MAP3K12: variants seen among roughly 807,000 people sequenced by gnomAD.
The protein encoded by MAP3K12 is MAPK-upstream kinase.
In MAP3K12, 14 loss-of-function variants were observed where a neutral mutation model predicts 87.5. That is an observed-to-expected ratio of 0.16 (90% confidence interval 0.11 to 0.25). MAP3K12 has a LOEUF of 0.25. Ranked by LOEUF, MAP3K12 falls within the 10% of genes least tolerant of loss-of-function variation. The pLI, the probability that MAP3K12 is intolerant of heterozygous loss-of-function variation, is 1.00. For missense variants in MAP3K12, 802 were observed against 1,140.4 expected (o/e 0.70, Z 4.27); for synonymous variants, 469 against 452.5 (o/e 1.04, Z -0.46).
chr12:53,492,245 C>T (rs1351062951), intron 1 of MAP3K12, among the ~76,000 whole-genome samples: 1 of 152,244 alleles, frequency 6.6e-6, no homozygotes, highest in Non-Finnish European at 1.5e-5. Flanking sequence ...TATGCGTCCT[C>T]TATCATGGTT....
upstream of MAP3K12, chr12:53,500,654 C>T (rs1040937670): frequency 6.6e-6 from 1 of 152,524 alleles, no homozygotes; most frequent in African/African-American, 2.4e-5. Flanking sequence ...CCTGCACCAG[C>T]TCCAGAGCCC....
At chr12:53,485,553 G>GTA in intron 4 of MAP3K12, 78 bp from the exon 5 acceptor site, 9 of 1,506,782 alleles carry the variant, frequency 6.0e-6, no homozygotes, top group Non-Finnish European at 8.1e-6. Context: ...CTGCCTTTCA[G>GTA]GTTTTTTTGT....
chr12:53,482,296 T>A lies in MAP3K12; in HGVS notation c.2309+3A>T. On this transcript the variant is annotated splice_donor_region_variant and intron_variant, in intron 12 of 13. Transcript: ENST00000547488. ...CATTAATTCTTGTAATGCCATCACT[T>A]ACCTCTGGCTTGATGTCAGCTCTAC... is the stretch of plus-strand genomic sequence containing the variant. 6.2e-7 allele frequency: 1 copy of A among 1,614,144 alleles called. No individual in the cohort carries two copies. The highest frequency in any genetic ancestry group is 8.5e-7 in the Non-Finnish European group (1 of 1,180,000).
chr12:53,485,045 A>G lies in MAP3K12; in HGVS notation c.1139+11T>C, dbSNP rs1943192710. The G allele has an allele frequency of 6.2e-6, 10 of 1,614,046 alleles. No homozygotes were observed. The highest frequency in any genetic ancestry group is 8.5e-6 in the Non-Finnish European group (10 of 1,179,986). ...CTCCAGGCCCAGTATCCCAGCCCAG[A>G]CCATCCTTACCAGCACTGGCGAAGC... On this transcript the variant is annotated intron_variant, in intron 6 of 13. Transcript: ENST00000547488.
At chr12:53,500,650 C>T (rs1943662657), upstream of MAP3K12, 2 of 152,456 alleles carry the variant, frequency 1.3e-5, no homozygotes, top group East Asian at 1.9e-4. Context: ...TAAACCTGCA[C>T]CAGCTCCAGA....
intron 1 of MAP3K12, among the ~76,000 whole-genome samples, chr12:53,497,809 T>A (rs1431622739): frequency 6.6e-6 from 1 of 152,168 alleles, no homozygotes; most frequent in Non-Finnish European, 1.5e-5. Flanking sequence ...CAGGGTTGAT[T>A]CCTTCTTTCT....
rs1203071583 is a variant in MAP3K12, at chr12:53,479,674, T to TTTTTTTTTTTTTGTTTG, written c.*1507_*1508insCAAACAAAAAAAAAAAA. 52 of 385,448 alleles carry TTTTTTTTTTTTTGTTTG rather than the reference T, an allele frequency of 1.3e-4. 1 individual carries two copies. Among genetic ancestry groups the TTTTTTTTTTTTTGTTTG allele is most frequent in the Non-Finnish European group, 1.5e-4 (32 of 215,940 alleles). 23.9% of individuals were successfully genotyped at this position (385,448 alleles called of 1,614,324 possible). ...TAGTTTTATAAGCTTCTCCCTGGTTTTTTTTTTTTGGCTCATGAATTTTTC... is the reference window on the plus strand; with the variant it reads ...TAGTTTTATAAGCTTCTCCCTGGTTTTTTTTTTTTTTTGTTTGTTTTTTTTTGGCTCATGAATTTTTC... On this transcript the variant is annotated 3_prime_UTR_variant, in exon 14 of 14. Coordinates refer to ENST00000547488, the MANE Select transcript of MAP3K12 (RefSeq NM_001193511.2).
At chr12:53,484,510 T>C (rs1943170381) in intron 6 of MAP3K12, 145 bp from the exon 7 acceptor site, 1 of 636,058 alleles carries the variant, frequency 1.6e-6, no homozygotes, top group Non-Finnish European at 2.8e-6. Flanking sequence ...CAACTGTCTC[T>C]AGAGAATATT....
Position 53,482,976 on chromosome 12 carries a change from G to T in MAP3K12, c.1827C>A (p.Ser609Arg), listed in dbSNP as rs537027662. The change falls in exon 11 of 14, where the codon AGC (serine) becomes AGA (arginine). Residue 609 changes from serine to arginine, a missense_variant. By Grantham distance (110) the Ser-to-Arg change is moderately radical (BLOSUM62 -1). Around this residue, in one of 5 missense-constraint regions of MAP3K12, gnomAD observed 490 missense variants for 496.6 expected, o/e 0.99. Coordinates refer to ENST00000547488, the MANE Select transcript of MAP3K12 (RefSeq NM_001193511.2). ...AGGGTCCCCCTCCTAGGCCCCCTGGGCTTCCTGGTCCTCCAGGTTCATGGG... is the reference window on the plus strand; with the variant it reads ...AGGGTCCCCCTCCTAGGCCCCCTGGTCTTCCTGGTCCTCCAGGTTCATGGG... The part of the protein sequence containing the change: ...VPPHEPGGPG[S>R]PGGLGGGPSA... 6.3e-7 allele frequency: 1 copy of T among 1,582,844 alleles called. No individual in the cohort carries two copies. The highest frequency in any genetic ancestry group is 8.6e-7 in the Non-Finnish European group (1 of 1,165,792).
Position 53,483,137 on chromosome 12 carries a change from T to C in MAP3K12, c.1666A>G (p.Ser556Gly). The change falls in exon 11 of 14, where the codon AGT becomes GGT. Residue 556 changes from serine (S) to glycine (G), a missense_variant. Ser to Gly is a moderately conservative substitution (Grantham distance 56). This residue lies in a region of MAP3K12 where 490 missense variants were observed against 496.6 expected (regional missense o/e 0.99). Transcript: ENST00000547488. ...SLLPKLDAAL[S>G]GVGLPGCPKG... ...GGACACCCAGGAAGCCCCACCCCAC[T>C]CAGGGCTGCATCTAGTTTAGGGAGC... 6.6e-7 allele frequency: 1 copy of C among 1,520,982 alleles called. No homozygotes were observed. The highest frequency in any genetic ancestry group is 8.8e-7 in the Non-Finnish European group (1 of 1,136,792). The allele number at this position is 1,520,982 out of a possible 1,614,324, so 94.2% of individuals were successfully genotyped here.
At chr12:53,489,023 A>G (rs1300331964) in intron 1 of MAP3K12, among the ~76,000 whole-genome samples, 1 of 149,478 alleles carries the variant, frequency 6.7e-6, no homozygotes, top group Non-Finnish European at 1.5e-5. Context: ...AGGTTGCAGT[A>G]AGCCAAGATC....
At chr12:53,481,800 T>C in intron 13 of MAP3K12, 141 bp downstream of exon 13, 1 of 1,045,700 alleles carries the variant, frequency 9.6e-7, no homozygotes, top group Non-Finnish European at 1.4e-6. Context: ...AAGAGGCTTC[T>C]GAAATTCCAC....
intron 1 of MAP3K12, chr12:53,493,915 G>A (rs531552885): frequency 6.6e-6 from 1 of 152,454 alleles, no homozygotes; most frequent in South Asian, 2.1e-4. Flanking sequence ...CGGTAGTGGG[G>A]ATAGCTGAAG....
At chr12:53,491,420 C>T (rs1183855306) in intron 1 of MAP3K12, among the ~76,000 whole-genome samples, 1 of 150,572 alleles carries the variant, frequency 6.6e-6, no homozygotes, top group Admixed American at 6.6e-5. Flanking sequence ...CCCCGTTTTA[C>T]AGACTAAGGC....
intron 1 of MAP3K12, among the ~76,000 whole-genome samples, chr12:53,492,522 G>C (rs1943442082): frequency 6.6e-6 from 1 of 152,044 alleles, no homozygotes; most frequent in Non-Finnish European, 1.5e-5. Context: ...AGGTGAAGGA[G>C]GTACTACTGG....
intron 6 of MAP3K12, chr12:53,484,754 C>T: frequency 2.1e-6 from 1 of 482,440 alleles, no homozygotes; most frequent in South Asian, 2.3e-5. Flanking sequence ...ACTTGAGGCT[C>T]AACCAACCAT....
Position 53,480,680 on chromosome 12 carries a change from G to A in MAP3K12, c.*502C>T, listed in dbSNP as rs1024820022. 5.9e-5 allele frequency: 9 copies of A among 152,478 alleles called. No homozygotes were observed. Among genetic ancestry groups the A allele is most frequent in the Non-Finnish European group, 1.0e-4 (7 of 68,028 alleles). The allele number at this position is 152,478 out of a possible 1,614,324, so 9.4% of individuals were successfully genotyped here. A position where few individuals can be genotyped will look rare whatever the true frequency, so the allele number is the denominator to read the frequency against. On this transcript the variant is annotated 3_prime_UTR_variant, in exon 14 of 14. Coordinates refer to ENST00000547488, the MANE Select transcript of MAP3K12 (RefSeq NM_001193511.2). ...CTTAAGACAGGGCTTGGGCAGAGAA[G>A]ATAAATGGTGGGACAAAAAAATGAG... is the stretch of plus-strand genomic sequence containing the variant.
At chr12:53,501,390 C>T, upstream of MAP3K12, 1 of 1,558,056 alleles carries the variant, frequency 6.4e-7, no homozygotes, top group Non-Finnish European at 8.7e-7. Flanking sequence ...CGGTGGCGCC[C>T]GCGGGGACGG....
chr12:53,492,418 G>T (rs544106023), intron 1 of MAP3K12, among the ~76,000 whole-genome samples: 3 of 152,050 alleles, frequency 2.0e-5, no homozygotes, highest in Non-Finnish European at 4.4e-5. Context: ...TACTCACCCC[G>T]GAGGATCGCC....
Sources: gnomAD v4.1 joint callset for allele counts (sites outside exome capture counted in the v4.1 genomes callset) on GRCh38, gnomAD v4.1.1 for gene constraint, gnomAD v4.1.1 regional missense constraint, MANE v1.5 for transcripts, NCBI Gene and HGNC (gene_info 2026-07-23, HGNC 2026-07-21) for gene names.